The following RMDN1 variants were observed in gnomAD, a reference collection of about 807,000 sequenced individuals.
RMDN1 encodes the protein regulator of microtubule dynamics protein 1.
RMDN1 carries 48 observed loss-of-function variants against 48.9 expected under a neutral mutation model. The observed-to-expected ratio is 0.98, with a 90% CI of 0.78 to 1.25. The LOEUF is 1.25. RMDN1 is among the 50% of genes most tolerant of loss of function. RMDN1 has a pLI of 0.00. For missense variants in RMDN1, 418 were observed against 373.4 expected (o/e 1.12, Z -0.98); for synonymous variants, 148 against 132.6 (o/e 1.12, Z -0.80).
intron 5 of RMDN1, among the ~76,000 whole-genome samples, chr8:86,483,179 ATCT>A (rs1439078606): frequency 6.6e-6 from 1 of 152,212 alleles, no homozygotes; most frequent in Non-Finnish European, 1.5e-5. Flanking sequence ...AGTATAAATG[ATCT>A]TTTTTATATG....
intron 2 of RMDN1, among the ~76,000 whole-genome samples, chr8:86,503,385 A>AAAAAAAAAAAAAACAAAAAAAAAAAAAC (rs1554594088): frequency 1.2e-5 from 1 of 81,094 alleles, no homozygotes; most frequent in Non-Finnish European, 2.3e-5. Context: ...AAAAAAAAAA[A>AAAAAAAAAAAAAACAAAAAAAAAAAAAC]AAAACAAAAA....
At chr8:86,474,730 T>G in intron 9 of RMDN1, 90 bp downstream of exon 9, 1 of 1,167,230 alleles carries the variant, frequency 8.6e-7, no homozygotes, top group South Asian at 1.3e-5. Context: ...TATTATGCAT[T>G]TAGAAAATTA....
intron 8 of RMDN1, among the ~76,000 whole-genome samples, chr8:86,475,569 CA>C (rs1310563456): frequency 1.1e-4 from 16 of 145,584 alleles, no homozygotes; most frequent in South Asian, 4.4e-4. Context: ...TACAAGAAAC[CA>C]AAAAAAAAAG....
downstream of RMDN1, among the ~76,000 whole-genome samples, chr8:86,471,185 T>G (rs1313569575): frequency 1.3e-5 from 2 of 151,844 alleles, no homozygotes; most frequent in African/African-American, 4.8e-5. Flanking sequence ...TCTATGATTT[T>G]TTGAAAGTAA....
At chr8:86,513,138 G>A (rs932575797), upstream of RMDN1, among the ~76,000 whole-genome samples, 4 of 151,978 alleles carry the variant, frequency 2.6e-5, no homozygotes, top group Non-Finnish European at 5.9e-5. Context: ...ACTTTGGGAA[G>A]CCAAGGTGGG....
chr8:86,480,206 A>C (rs1250044701), intron 6 of RMDN1, 71 bp downstream of exon 6: 1 of 732,422 alleles, frequency 1.4e-6, no homozygotes, highest in East Asian at 2.9e-5. Flanking sequence ...ATATATGCAA[A>C]AGAAGATATT....
intron 2 of RMDN1, among the ~76,000 whole-genome samples, chr8:86,500,840 C>T (rs944109022): frequency 2.6e-5 from 4 of 152,174 alleles, no homozygotes; most frequent in Admixed American, 2.0e-4. Context: ...GATACATACA[C>T]ACCATGGAAT....
rs1319843833 is a variant in RMDN1, at chr8:86,478,997, C to T, written c.655G>A (p.Ala219Thr). 1.9e-6 allele frequency: 3 copies of T among 1,613,534 alleles called. No homozygotes were observed. The highest frequency in any genetic ancestry group is 2.2e-5 in the South Asian group (2 of 91,064). The part of the protein sequence containing the change: ...HLMGIWCYTF[A>T]EMPWYQRRIA... ...CTTCTTTGATACCAAGGCATTTCGG[C>T]AAATGTATAGCACCTACAGGGAAAT... Residue 219 changes from alanine (A) to threonine (T), a missense_variant, in exon 7 of 10, where the codon GCC (alanine) becomes ACC (threonine). By Grantham distance (58) the Ala-to-Thr change is moderately conservative. Coordinates refer to ENST00000406452, the MANE Select transcript of RMDN1 (RefSeq NM_016033.3).
intron 2 of RMDN1, chr8:86,504,100 G>C: frequency 9.5e-7 from 1 of 1,054,538 alleles, no homozygotes; most frequent in East Asian, 2.4e-5. Flanking sequence ...CTTTGGTCTG[G>C]AATTCAAATT....
At chr8:86,503,144 G>A (rs891416812) in intron 2 of RMDN1, among the ~76,000 whole-genome samples, 1 of 151,918 alleles carries the variant, frequency 6.6e-6, no homozygotes, top group Non-Finnish European at 1.5e-5. Context: ...ATGAGGTCAG[G>A]AGTTTGAGAC....
intron 2 of RMDN1, chr8:86,504,589 A>G (rs972040621): frequency 2.9e-6 from 3 of 1,046,272 alleles, no homozygotes; most frequent in South Asian, 1.3e-5. Flanking sequence ...GACCCTGCAT[A>G]TGATAGGCCT....
At chr8:86,469,168 T>TTTTG (rs924034400), downstream of RMDN1, among the ~76,000 whole-genome samples, 9 of 144,200 alleles carry the variant, frequency 6.2e-5, no homozygotes, top group Admixed American at 4.6e-4. Flanking sequence ...CCAGTGTTTT[T>TTTTG]TTTGTTTGTT....
At chr8:86,475,109 CAAAT>C in intron 8 of RMDN1, 156 bp from the exon 9 acceptor site, 1 of 541,666 alleles carries the variant, frequency 1.8e-6, no homozygotes, top group Non-Finnish European at 3.1e-6. Flanking sequence ...ATATCTCAAA[CAAAT>C]ATTTGTAAAA....
At chr8:86,508,796 AG>A (rs1335021670), upstream of RMDN1, 2 of 1,235,110 alleles carry the variant, frequency 1.6e-6, no homozygotes, top group Non-Finnish European at 2.0e-6. Flanking sequence ...GCACGGGCTT[AG>A]GGGGTGGGAA....
chr8:86,468,805 T>C (rs28451965), downstream of RMDN1: 15,987 of 436,358 alleles, frequency 0.037, 2,081 homozygotes, highest in African/African-American at 0.29. Flanking sequence ...GGCAGAGCTC[T>C]TGATTTATCT....
chr8:86,480,329 C>A lies in RMDN1; in HGVS notation c.589G>T (p.Ala197Ser). ...GCATCTTTAGGGTTCAGTTCAATTG[C>A]TTTCTAACAAGAAATGAGAAAAATA... ...AYIIKEHFEK[A>S]IELNPKDATS... Residue 197 changes from alanine (A) to serine (S), a missense_variant, in exon 6 of 10, where the codon GCA (alanine) becomes TCA (serine). Transcript: ENST00000406452. The A allele has an allele frequency of 6.6e-7, 1 of 1,517,520 alleles. No homozygotes were observed. The highest frequency in any genetic ancestry group is 9.0e-7 in the Non-Finnish European group (1 of 1,114,546). The allele number at this position is 1,517,520 out of a possible 1,614,324, so 94.0% of individuals were successfully genotyped here. A position where few individuals can be genotyped will look rare whatever the true frequency, so the allele number is the denominator to read the frequency against.
Position 86,474,364 on chromosome 8 carries a change from A to G in RMDN1, c.895-6T>C, listed in dbSNP as rs1368055604. The G allele has an allele frequency of 6.3e-7, 1 of 1,597,520 alleles. No homozygotes were observed. Among genetic ancestry groups the G allele is most frequent in the South Asian group, 1.1e-5 (1 of 90,646 alleles). On this transcript the variant is annotated splice_polypyrimidine_tract_variant and splice_region_variant and intron_variant, in intron 9 of 9. Coordinates refer to ENST00000406452, the MANE Select transcript of RMDN1 (RefSeq NM_016033.3). The stretch of plus-strand genomic sequence containing the variant: ...TGAGCAGCTTCTGTCTGTATCTAAA[A>G]TGGAAAAATACATGTTATAAGTAAA...
intron 5 of RMDN1, among the ~76,000 whole-genome samples, chr8:86,481,371 C>T (rs1311172944): frequency 2.0e-5 from 3 of 152,054 alleles, no homozygotes; most frequent in Non-Finnish European, 4.4e-5. Flanking sequence ...GCAACTTATG[C>T]TCTAAGCAAC....
intron 2 of RMDN1, among the ~76,000 whole-genome samples, chr8:86,506,596 C>A (rs747581949): frequency 2.0e-5 from 3 of 152,158 alleles, no homozygotes; most frequent in Admixed American, 6.5e-5. Flanking sequence ...CCTACAGCCC[C>A]TTTTTCATAT....
Sources: allele counts gnomAD v4.1 joint callset (sites outside exome capture counted in the v4.1 genomes callset), GRCh38; gene constraint gnomAD v4.1.1; transcripts MANE v1.5; gene names NCBI Gene and HGNC (gene_info 2026-07-23, HGNC 2026-07-21).